WDR25: variants seen among roughly 807,000 people sequenced by gnomAD.
WDR25 encodes the protein WD repeat-containing protein 25.
Under a neutral mutation model 47.7 loss-of-function variants are expected in WDR25, and 35 were observed. The observed-to-expected ratio is 0.73, with a 90% confidence interval of 0.56 to 0.97. WDR25 has a LOEUF of 0.97. Ranked by LOEUF, WDR25 falls within the 50% of genes least tolerant of loss-of-function variation. The pLI, the probability that WDR25 is intolerant of heterozygous loss-of-function variation, is 0.00. For synonymous variants in WDR25, 248 were observed against 278.9 expected (o/e 0.89, Z 1.10); for missense variants, 634 against 704.7 (o/e 0.90, Z 1.14).
chr14:100,514,655 G>A (rs1901432894), intron 4 of WDR25, among the ~76,000 whole-genome samples: 1 of 151,792 alleles, frequency 6.6e-6, no homozygotes. Context: ...CAGGGTCTTT[G>A]TGCTATTACT....
intron 3 of WDR25, among the ~76,000 whole-genome samples, chr14:100,473,460 A>AC (rs1295327717): frequency 8.5e-5 from 13 of 152,156 alleles, no homozygotes; most frequent in Non-Finnish European, 1.8e-4. Flanking sequence ...ACAATGGGGA[A>AC]CCCAACTTAA....
intron 2 of WDR25, among the ~76,000 whole-genome samples, chr14:100,401,405 G>C (rs564292970): frequency 6.6e-6 from 1 of 152,172 alleles, no homozygotes; most frequent in African/African-American, 2.4e-5. Context: ...TCTGAGTGTC[G>C]TGGAGGCTGG....
intron 1 of WDR25, among the ~76,000 whole-genome samples, chr14:100,378,677 G>GAGAGAAAAGA (rs1566878593): frequency 1.2e-5 from 1 of 86,484 alleles, no homozygotes; most frequent in African/African-American, 3.2e-5. Context: ...GTTCCAGGCA[G>GAGAGAAAAGA]GCCGGGCGCG....
chr14:100,393,406 C>T (rs559052901), intron 2 of WDR25, among the ~76,000 whole-genome samples: 1 of 152,294 alleles, frequency 6.6e-6, no homozygotes, highest in East Asian at 1.9e-4. Flanking sequence ...TTTTCATGTT[C>T]TTTTCTCTCA....
chr14:100,415,509 C>T (rs1382073168), intron 2 of WDR25, among the ~76,000 whole-genome samples: 1 of 152,136 alleles, frequency 6.6e-6, no homozygotes, highest in Non-Finnish European at 1.5e-5. Context: ...TAGCAAGCAG[C>T]CTTGGAGAGT....
At chr14:100,467,944 T>G (rs1899692143) in intron 2 of WDR25, 77 bp from the exon 3 acceptor site, 5 of 1,568,554 alleles carry the variant, frequency 3.2e-6, no homozygotes, top group Non-Finnish European at 4.3e-6. Context: ...CCTTTTTCTT[T>G]CTACAGTGGG....
At chr14:100,458,077 G>T (rs960704611) in intron 2 of WDR25, among the ~76,000 whole-genome samples, 1 of 152,076 alleles carries the variant, frequency 6.6e-6, no homozygotes, top group African/African-American at 2.4e-5. Context: ...TGGATGAAAT[G>T]GTCTACCCAT....
intron 2 of WDR25, among the ~76,000 whole-genome samples, chr14:100,460,258 G>A (rs1281664667): frequency 2.0e-5 from 3 of 151,552 alleles, no homozygotes; most frequent in Non-Finnish European, 2.9e-5. Context: ...GACTACAGGC[G>A]CCCGCCACCA....
At chr14:100,490,610 T>G (rs1184444254) in intron 4 of WDR25, among the ~76,000 whole-genome samples, 1 of 152,236 alleles carries the variant, frequency 6.6e-6, no homozygotes, top group Non-Finnish European at 1.5e-5. Flanking sequence ...CTCCAGGTTT[T>G]TGAAAACTCT....
At chr14:100,453,423 T>C (rs1273663545) in intron 2 of WDR25, among the ~76,000 whole-genome samples, 1 of 152,184 alleles carries the variant, frequency 6.6e-6, no homozygotes, top group Non-Finnish European at 1.5e-5. Context: ...CATAGGGCTG[T>C]GGAGAGGATT....
intron 2 of WDR25, among the ~76,000 whole-genome samples, chr14:100,417,977 T>C (rs1167406356): frequency 7.3e-5 from 11 of 151,644 alleles, no homozygotes; most frequent in Admixed American, 7.2e-4. Context: ...AGGCTCGCTC[T>C]GTCGCCCAGG....
At chr14:100,494,604 T>C (rs1179908012) in intron 4 of WDR25, among the ~76,000 whole-genome samples, 3 of 152,206 alleles carry the variant, frequency 2.0e-5, no homozygotes. Context: ...GGTTAGTCTT[T>C]TAGAGAGTCT....
In WDR25 at chr14:100,469,028, C is replaced by T. The variant is rs565796331; in HGVS notation, c.970+860C>T. On this transcript the variant is annotated intron_variant, in intron 3 of 6. Coordinates refer to ENST00000402312, the MANE Select transcript of WDR25 (RefSeq NM_001161476.3). ...GCACCACACTACCTCCTCCCCAGAG[C>T]TCCTCGGTCTCATTTCTGCTGGGCT... Among the ~76,000 whole-genome samples, 8 of 152,288 alleles carry T rather than the reference C, an allele frequency of 5.3e-5. 1 individual carries two copies. The highest frequency in any genetic ancestry group is 1.9e-4 in the African/African-American group (8 of 41,562).
At chr14:100,445,934 C>T (rs61538358) in intron 2 of WDR25, among the ~76,000 whole-genome samples, 261 of 152,276 alleles carry the variant, frequency 1.7e-3, no homozygotes, top group African/African-American at 5.6e-3. Context: ...AGACACGGGG[C>T]GAGGCCCGGC....
chr14:100,403,901 T>G (rs1296170649), intron 2 of WDR25, among the ~76,000 whole-genome samples: 1 of 152,172 alleles, frequency 6.6e-6, no homozygotes, highest in Non-Finnish European at 1.5e-5. Flanking sequence ...GGAATAAGAA[T>G]GGATGATGGA....
At position 100,428,099 on chromosome 14, in the gene WDR25, A is replaced by T. The variant is rs1260065072; in HGVS notation, c.823-39922A>T. Among the ~76,000 whole-genome samples the T allele has an allele frequency of 6.6e-6, 1 of 152,130 alleles. No individual in the cohort carries two copies. The highest frequency in any genetic ancestry group is 1.5e-5 in the Non-Finnish European group (1 of 68,020). ...AGGTTCCCTGCAGCAGGGCCTCATC[A>T]CAGTTCCCCCTGGAGCATTCACGCA... On this transcript the variant is annotated intron_variant, in intron 2 of 6. Coordinates refer to ENST00000402312, the MANE Select transcript of WDR25 (RefSeq NM_001161476.3). The surrounding 1 kb of genome is among the most constrained non-coding windows in gnomAD (Gnocchi z 4.3).
intron 4 of WDR25, among the ~76,000 whole-genome samples, chr14:100,513,538 A>G (rs1352046843): frequency 3.3e-5 from 5 of 152,288 alleles, no homozygotes; most frequent in East Asian, 3.9e-4. Flanking sequence ...AAGGCTTGCA[A>G]TTTGTGTCTC....
At chr14:100,422,387 C>T (rs1265084528) in intron 2 of WDR25, among the ~76,000 whole-genome samples, 1 of 152,196 alleles carries the variant, frequency 6.6e-6, no homozygotes, top group East Asian at 1.9e-4. Context: ...GACCCAGCCT[C>T]AAAGGCAGGC....
intron 4 of WDR25, among the ~76,000 whole-genome samples, chr14:100,495,625 A>G (rs143844839): frequency 6.6e-6 from 1 of 152,302 alleles, no homozygotes; most frequent in Admixed American, 6.5e-5. Flanking sequence ...GCTCCAATGC[A>G]TTGTGATTGT....
Sources: allele counts gnomAD v4.1 joint callset (sites outside exome capture counted in the v4.1 genomes callset), GRCh38; gene constraint gnomAD v4.1.1; non-coding constraint Gnocchi (gnomAD v3.1); transcripts MANE v1.5; gene names NCBI Gene and HGNC (gene_info 2026-07-23, HGNC 2026-07-21).